NID1: variants seen among roughly 807,000 people sequenced by gnomAD.
The protein encoded by NID1 is nidogen 1.
NID1 carries 76 observed loss-of-function variants against 130.6 expected under a neutral mutation model. That is an observed-to-expected ratio of 0.58 (90% CI 0.48 to 0.70). The LOEUF is 0.70. NID1 is among the 30% of genes least tolerant of loss of function. The pLI is 0.00. For missense variants in NID1, 1,517 were observed against 1,664.8 expected, an observed-to-expected ratio of 0.91 and a Z score of 1.54; for synonymous variants, 665 against 675.1, an observed-to-expected ratio of 0.98 and a Z score of 0.23.
intron 1 of NID1, among the ~76,000 whole-genome samples, chr1:236,055,497 A>G (rs1036265706): frequency 6.6e-6 from 1 of 151,984 alleles, no homozygotes; most frequent in East Asian, 1.9e-4. Flanking sequence ...TTTTAAAAAC[A>G]TATAACAGGT....
At chr1:236,042,671 G>A (rs1659489442) in intron 3 of NID1, among the ~76,000 whole-genome samples, 1 of 152,220 alleles carries the variant, frequency 6.6e-6, no homozygotes, top group Admixed American at 6.5e-5. Context: ...AGTCATTCAT[G>A]CTCTCCACTA....
rs141803804 is a variant in NID1, at chr1:236,064,921, G to A, written c.159C>T (p.Val53=). The change falls in exon 1 of 20, where the codon GTC becomes GTT. Residue 53 remains valine (V), a synonymous_variant. Transcript: ENST00000264187. ...DLELEDGDDF[V]SPALELSGAL... Reference sequence around the variant, plus strand: ...CCCCACTCAGCTCCAGGGCAGGAGAGACGAAGTCATCCCCGTCCTCCAGCT... The same window carrying A: ...CCCCACTCAGCTCCAGGGCAGGAGAAACGAAGTCATCCCCGTCCTCCAGCT... The A allele has an allele frequency of 4.7e-4, 758 of 1,611,870 alleles. No individual in the cohort carries two copies. Among genetic ancestry groups the A allele is most frequent in the Non-Finnish European group, 6.1e-4 (714 of 1,179,328 alleles).
rs113641191 is a variant in NID1 at position 236,036,820 on chromosome 1, G to A, written c.1285+1284C>T. The stretch of plus-strand genomic sequence containing the variant: ...CCACCTCTGCAGAGAGCCCCCACCA[G>A]AAACAAGGCCATCACCAAATGTGGC... On this transcript the variant is annotated intron_variant, in intron 5 of 19. Transcript: ENST00000264187. 2.5e-3 allele frequency among the ~76,000 whole-genome samples: 385 copies of A among 152,294 alleles called. 5 individuals carry two copies. The highest frequency in any genetic ancestry group is 9.0e-3 in the African/African-American group (374 of 41,552).
chr1:236,042,789 G>C (rs148360882), intron 3 of NID1, among the ~76,000 whole-genome samples: 11 of 123,998 alleles, frequency 8.9e-5, no homozygotes, highest in African/African-American at 3.5e-4. Flanking sequence ...GAAGTGATAA[G>C]AGTGTCTTTT....
chr1:235,991,035 T>G lies in NID1; in HGVS notation c.2779A>C (p.Ile927Leu), dbSNP rs979644250. 6.2e-7 allele frequency: 1 copy of G among 1,603,862 alleles called. No individual in the cohort carries two copies. The highest frequency in any genetic ancestry group is 8.5e-7 in the Non-Finnish European group (1 of 1,175,296). Residue 927 changes from isoleucine to leucine, a missense_variant, in exon 14 of 20, where the codon ATT (isoleucine) becomes CTT (leucine). Physicochemically the swap from Ile to Leu is conservative, Grantham distance 5 (BLOSUM62 2). This residue lies in a region of NID1 where 1,329 missense variants were observed against 1,429.2 expected (regional missense o/e 0.93). Transcript: ENST00000264187. ...PPCLSTVAPP[I>L]HQGPAVPTAV... ...GTAGGCACCGCAGGTCCTTGGTGAA[T>G]CGGGGGAGCCACTGTACTCAGACCT...
intron 12 of NID1, among the ~76,000 whole-genome samples, chr1:236,000,387 T>G (rs1558427441): frequency 6.6e-6 from 1 of 152,200 alleles, no homozygotes; most frequent in East Asian, 1.9e-4. Context: ...GACATTCCTT[T>G]CTATTGGTTC....
rs557330114 is a variant in NID1, at chr1:235,991,009, G to A, written c.2805C>T (p.Thr935=). 102 of 1,612,502 alleles carry A rather than the reference G, an allele frequency of 6.3e-5. No individual in the cohort carries two copies. The highest frequency in any genetic ancestry group is 3.3e-4 in the Middle Eastern group (2 of 6,046). ...PPIHQGPAVP[T]AVIPLPPGTH... is the part of the protein sequence containing the mutation. ...TCCCAGGAGGCAAGGGGATCACGGC[G>A]GTAGGCACCGCAGGTCCTTGGTGAA... The change falls in exon 14 of 20, where the codon ACC becomes ACT. Residue 935 remains threonine, a synonymous_variant. Coordinates refer to ENST00000264187, the MANE Select transcript of NID1 (RefSeq NM_002508.3).
intron 3 of NID1, among the ~76,000 whole-genome samples, chr1:236,044,317 TAAAC>T (rs1268540610): frequency 2.0e-5 from 3 of 152,332 alleles, no homozygotes; most frequent in African/African-American, 7.2e-5. Flanking sequence ...AACTTCCAAT[TAAAC>T]AAGTTATATT....
At chr1:236,001,376 A>T (rs1658072345) in intron 12 of NID1, among the ~76,000 whole-genome samples, 3 of 152,080 alleles carry the variant, frequency 2.0e-5, no homozygotes, top group Admixed American at 2.0e-4. Flanking sequence ...AAGTGCTGGG[A>T]TTACAGGCTT....
intron 1 of NID1, among the ~76,000 whole-genome samples, chr1:236,051,325 T>A (rs1240740726): frequency 7.1e-6 from 1 of 141,156 alleles, no homozygotes; most frequent in Non-Finnish European, 1.5e-5. Flanking sequence ...ACTTCACACT[T>A]CATTACTAGA....
chr1:235,985,204 G>GA (rs1275082970), intron 15 of NID1, among the ~76,000 whole-genome samples, 175 bp downstream of exon 15: 5 of 141,302 alleles, frequency 3.5e-5, no homozygotes, highest in Non-Finnish European at 3.1e-5. Context: ...AAAAAAAAAA[G>GA]AAAAAAAAAA....
At chr1:235,991,611 G>T (rs1473433667) in intron 13 of NID1, among the ~76,000 whole-genome samples, 1 of 152,182 alleles carries the variant, frequency 6.6e-6, no homozygotes, top group East Asian at 1.9e-4. Flanking sequence ...GGGATTACAG[G>T]TGTGAGCCAC....
At chr1:236,013,316 C>A in intron 11 of NID1, 95 bp downstream of exon 11, 1 of 1,346,002 alleles carries the variant, frequency 7.4e-7, no homozygotes. Flanking sequence ...ATTCTTTCTT[C>A]TATTTGGGAG....
At chr1:235,991,334 G>T (rs1336452998) in intron 13 of NID1, among the ~76,000 whole-genome samples, 1 of 152,060 alleles carries the variant, frequency 6.6e-6, no homozygotes, top group East Asian at 1.9e-4. Flanking sequence ...AAATGGCTTG[G>T]CCTCCCTCTT....
intron 3 of NID1, among the ~76,000 whole-genome samples, chr1:236,042,952 A>G (rs1659497703): frequency 9.2e-5 from 14 of 152,200 alleles, no homozygotes; most frequent in Admixed American, 9.2e-4. Flanking sequence ...GATTGAGTCA[A>G]TCACCAAGGA....
Position 236,065,002 on chromosome 1 carries a change from C to T in NID1, c.78G>A (p.Val26=). 1.9e-6 allele frequency: 3 copies of T among 1,558,300 alleles called. No individual in the cohort carries two copies. Among genetic ancestry groups the T allele is most frequent in the South Asian group, 2.3e-5 (2 of 85,234 alleles). ...LLLPLLLAGP[V]GCLSRQELFP... ...AGAGCTCCTGGCGGCTCAGGCAGCCCACAGGCCCCGCCAGCAGCAGCGGCA... is the reference window on the plus strand; with the variant it reads ...AGAGCTCCTGGCGGCTCAGGCAGCCTACAGGCCCCGCCAGCAGCAGCGGCA... Residue 26 remains valine, a synonymous_variant, in exon 1 of 20, where the codon GTG becomes GTA. Coordinates refer to ENST00000264187, the MANE Select transcript of NID1 (RefSeq NM_002508.3). The surrounding 1 kb of genome is among the most constrained non-coding windows in gnomAD (Gnocchi z 4.1).
intron 6 of NID1, among the ~76,000 whole-genome samples, chr1:236,031,869 C>T (rs952718929): frequency 3.9e-5 from 6 of 152,204 alleles, no homozygotes; most frequent in Admixed American, 2.6e-4. Flanking sequence ...CTAAAAAACT[C>T]CAAGGATATC....
intron 5 of NID1, among the ~76,000 whole-genome samples, chr1:236,033,626 T>C (rs531041124): frequency 8.5e-5 from 13 of 152,272 alleles, no homozygotes; most frequent in African/African-American, 2.9e-4. Context: ...AACGATGGAA[T>C]TGAGACCTAC....
chr1:236,043,353 G>A (rs1039453504), intron 3 of NID1, among the ~76,000 whole-genome samples: 3 of 152,260 alleles, frequency 2.0e-5, no homozygotes, highest in Non-Finnish European at 4.4e-5. Context: ...CCCTTAACCT[G>A]TGGGGTCTGC....
Sources: allele counts gnomAD v4.1 joint callset (sites outside exome capture counted in the v4.1 genomes callset), GRCh38; gene constraint gnomAD v4.1.1; regional missense constraint gnomAD v4.1.1; non-coding constraint Gnocchi (gnomAD v3.1); transcripts MANE v1.5; gene names NCBI Gene and HGNC (gene_info 2026-07-23, HGNC 2026-07-21).